The following MECOM variants were observed in gnomAD, a reference collection of about 807,000 sequenced individuals.
MECOM encodes histone-lysine N-methyltransferase MECOM.
In MECOM, 13 loss-of-function variants were observed where a neutral mutation model predicts 116.3. The observed-to-expected ratio is 0.11, with a 90% CI of 0.07 to 0.18. The LOEUF is 0.18. MECOM is among the 10% of genes least tolerant of loss of function. MECOM has a pLI of 1.00. For missense variants in MECOM, 1,299 were observed against 1,509.0 expected (o/e 0.86, Z 2.31); for synonymous variants, 528 against 535.2 (o/e 0.99, Z 0.19).
intron 12 of MECOM, among the ~76,000 whole-genome samples, chr3:169,095,518 CATAAA>C (rs1464968411): frequency 6.6e-6 from 1 of 152,140 alleles, no homozygotes; most frequent in African/African-American, 2.4e-5. Flanking sequence ...AAGTAAACCT[CATAAA>C]ATAAAGCACA....
At chr3:169,506,800 G>C (rs1311110056) in intron 1 of MECOM, among the ~76,000 whole-genome samples, 1 of 152,090 alleles carries the variant, frequency 6.6e-6, no homozygotes. Flanking sequence ...AGTTAAGAAG[G>C]CTCCCAAGGT....
intron 1 of MECOM, among the ~76,000 whole-genome samples, chr3:169,428,770 A>G (rs964296099): frequency 1.3e-5 from 2 of 152,212 alleles, no homozygotes; most frequent in Non-Finnish European, 2.9e-5. Context: ...CAGACCAACA[A>G]ACTAAAAGAA....
At position 169,663,407 on chromosome 3, in the gene MECOM, TG is replaced by T; in HGVS notation, c.-36del. ...AGTCCTGCAGCCGCTGGTGTGTGGT[TG>T]GGGCTTTTTTTTCTTGGATCCTTTC... is the stretch of plus-strand genomic sequence containing the variant. On this transcript the variant is annotated 5_prime_UTR_variant, in exon 1 of 17. Coordinates refer to ENST00000651503, the MANE Select transcript of MECOM (RefSeq NM_004991.4). The T allele has an allele frequency of 1.3e-6, 2 of 1,598,892 alleles. No individual in the cohort carries two copies. Among genetic ancestry groups the T allele is most frequent in the Admixed American group, 1.7e-5 (1 of 57,780 alleles).
intron 1 of MECOM, among the ~76,000 whole-genome samples, chr3:169,474,162 T>C (rs1749985608): frequency 6.6e-6 from 1 of 152,218 alleles, no homozygotes; most frequent in African/African-American, 2.4e-5. Context: ...ATAGACCTTG[T>C]GGAAGGATCT....
intron 1 of MECOM, among the ~76,000 whole-genome samples, chr3:169,609,989 A>G (rs1239197357): frequency 6.6e-6 from 1 of 152,172 alleles, no homozygotes; most frequent in Non-Finnish European, 1.5e-5. Flanking sequence ...ACATTTCCCC[A>G]AAGGATATCC....
chr3:169,615,149 A>G (rs1769843204), intron 1 of MECOM, among the ~76,000 whole-genome samples: 2 of 152,248 alleles, frequency 1.3e-5, no homozygotes, highest in Admixed American at 1.3e-4. Flanking sequence ...TACTTAAAGG[A>G]AAAGCAGGCT....
At chr3:169,513,235 T>G (rs1756202293) in intron 1 of MECOM, among the ~76,000 whole-genome samples, 1 of 152,220 alleles carries the variant, frequency 6.6e-6, no homozygotes, top group Non-Finnish European at 1.5e-5. Context: ...AGGCTTGGTT[T>G]AAATAGATGT....
chr3:169,489,736 T>A (rs9839972), intron 1 of MECOM, among the ~76,000 whole-genome samples: 23,374 of 152,088 alleles, frequency 0.15, 2,146 homozygotes, highest in African/African-American at 0.25. Flanking sequence ...CAAACAAAAA[T>A]TAAATTTCAA....
intron 1 of MECOM, among the ~76,000 whole-genome samples, chr3:169,600,002 C>T (rs1188615876): frequency 3.3e-5 from 5 of 152,014 alleles, no homozygotes; most frequent in South Asian, 2.1e-4. Flanking sequence ...GACAGGGCCT[C>T]GCTCTGTCCC....
In MECOM at chr3:169,343,447, T is replaced by C. The variant is rs148662475; in HGVS notation, c.375+37740A>G. ...AGGGTCCAAGGAAGAAGGCCACTGC[T>C]GCACATTAACTCTGTACTCTGGCTC... On this transcript the variant is annotated intron_variant, in intron 2 of 16. Coordinates refer to ENST00000651503, the MANE Select transcript of MECOM (RefSeq NM_004991.4). 1.9e-4 allele frequency among the ~76,000 whole-genome samples: 29 copies of C among 152,274 alleles called. No homozygotes were observed. The East Asian group carries it at 3.1e-3, about 16-fold the overall frequency.
At chr3:169,248,442 G>A (rs1244616880) in intron 2 of MECOM, among the ~76,000 whole-genome samples, 5 of 152,168 alleles carry the variant, frequency 3.3e-5, no homozygotes, top group African/African-American at 7.2e-5. Context: ...CAAATTCTTA[G>A]TCTAAGTCTC....
intron 1 of MECOM, among the ~76,000 whole-genome samples, chr3:169,632,235 G>A (rs7653417): frequency 0.28 from 42,375 of 151,568 alleles, 6,102 homozygotes; most frequent in Non-Finnish European, 0.32. Flanking sequence ...TTCAAAATAT[G>A]TTTCAAAATA....
chr3:169,095,113 G>A lies in MECOM; in HGVS notation c.2982C>T (p.Asp994=). 1 of 1,612,690 alleles carries A rather than the reference G, an allele frequency of 6.2e-7. No homozygotes were observed. The highest frequency in any genetic ancestry group is 8.5e-7 in the Non-Finnish European group (1 of 1,179,460). Reference sequence around the variant, plus strand: ...CATTCTCATGTTTCTTTAGGTGTCTGTCTAAATTGGTTTGTTGACCAAAAC... The same window carrying A: ...CATTCTCATGTTTCTTTAGGTGTCTATCTAAATTGGTTTGTTGACCAAAAC... The part of the protein sequence containing the change: ...DRCFGQQTNL[D]RHLKKHENGN... The change falls in exon 13 of 17, where the codon GAC becomes GAT. Residue 994 remains aspartate (D), a synonymous_variant. Transcript: ENST00000651503.
intron 12 of MECOM, among the ~76,000 whole-genome samples, chr3:169,096,445 A>T (rs980695115): frequency 2.0e-5 from 3 of 151,776 alleles, no homozygotes; most frequent in African/African-American, 4.8e-5. Flanking sequence ...TAATTTTTGT[A>T]TTTTTGTAGA....
At chr3:169,238,736 C>G (rs538047672) in intron 2 of MECOM, among the ~76,000 whole-genome samples, 13 of 152,224 alleles carry the variant, frequency 8.5e-5, no homozygotes, top group Admixed American at 3.3e-4. Flanking sequence ...CTTAAGATCT[C>G]TTATAGAATT....
intron 2 of MECOM, among the ~76,000 whole-genome samples, chr3:169,198,899 T>C (rs1485099115): frequency 6.6e-6 from 1 of 151,738 alleles, no homozygotes; most frequent in Non-Finnish European, 1.5e-5. Context: ...GTCAGGAAAA[T>C]CCTTCCTGTG....
At chr3:169,275,524 G>A (rs1484619469) in intron 2 of MECOM, among the ~76,000 whole-genome samples, 1 of 152,124 alleles carries the variant, frequency 6.6e-6, no homozygotes, top group Non-Finnish European at 1.5e-5. Flanking sequence ...ACCTGTGCTG[G>A]AACATTGTTA....
chr3:169,086,473 T>C (rs1253124190), intron 16 of MECOM: 6 of 653,630 alleles, frequency 9.2e-6, no homozygotes, highest in Non-Finnish European at 1.6e-5. Flanking sequence ...AATTTTGGAA[T>C]TTAAATTTTA....
chr3:169,378,946 T>A (rs1053387315), intron 2 of MECOM, among the ~76,000 whole-genome samples: 8 of 151,794 alleles, frequency 5.3e-5, no homozygotes, highest in African/African-American at 1.9e-4. Context: ...TCCTTCATCA[T>A]TTTTTTCAAA....
Sources: allele counts gnomAD v4.1 joint callset (sites outside exome capture counted in the v4.1 genomes callset), GRCh38; gene constraint gnomAD v4.1.1; transcripts MANE v1.5; gene names NCBI Gene and HGNC (gene_info 2026-07-23, HGNC 2026-07-21).